Variants in CHD5 observed in about 807,000 individuals in gnomAD.
The protein encoded by CHD5 is chromodomain helicase DNA binding protein 5.
A neutral mutation model predicts 230.3 loss-of-function variants in CHD5; 69 were observed. The observed-to-expected ratio is 0.30, with a 90% CI of 0.25 to 0.37. The LOEUF (loss-of-function observed/expected upper bound fraction) is 0.37, where lower values mean the gene tolerates loss of function less well. CHD5 is among the 10% of genes least tolerant of loss of function. The probability of loss-of-function intolerance (pLI) is 1.00; values close to 1 mark genes in which losing one functional copy is unlikely to be tolerated. For missense variants in CHD5, 1,827 were observed against 2,622.8 expected (o/e 0.70, Z 6.63); for synonymous variants, 1,064 against 1,065.9 (o/e 1.00, Z 0.03).
intron 15 of CHD5, among the ~76,000 whole-genome samples, chr1:6,138,817 C>G (rs1164658579): frequency 6.6e-6 from 1 of 152,214 alleles, no homozygotes; most frequent in Non-Finnish European, 1.5e-5. Flanking sequence ...CACCCATAAT[C>G]CTTCCCATCA....
In CHD5 at chr1:6,131,658, G is replaced by A; in HGVS notation, c.3235C>T (p.Arg1079Trp). ...RIDGGITGGL[R>W]QEAIDRFNAP... is the part of the protein sequence containing the mutation. ...TTGAATCTGTCGATTGCCTCCTGCC[G>A]GAGGCCCCCGGTGATGCCACCATCA... The change falls in exon 21 of 42, where the codon CGG becomes TGG. Residue 1079 changes from arginine to tryptophan, a missense_variant. Physicochemically the swap from Arg to Trp is moderately radical, Grantham distance 101. Transcript: ENST00000262450. The surrounding 1 kb of genome is among the most constrained non-coding windows in gnomAD (Gnocchi z 5.0). 2 of 1,611,188 alleles carry A rather than the reference G, an allele frequency of 1.2e-6. No individual in the cohort carries two copies. Among genetic ancestry groups the A allele is most frequent in the Non-Finnish European group, 8.5e-7 (1 of 1,177,450 alleles).
Position 6,128,366 on chromosome 1 carries a change from T to A in CHD5, c.3730+133A>T. 9.1e-7 allele frequency: 1 copy of A among 1,102,816 alleles called. No individual in the cohort carries two copies. Among genetic ancestry groups the A allele is most frequent in the Non-Finnish European group, 1.3e-6 (1 of 755,770 alleles). 68.3% of individuals were successfully genotyped at this position (1,102,816 alleles called of 1,614,324 possible). A position where few individuals can be genotyped will look rare whatever the true frequency, so the allele number is the denominator to read the frequency against. On this transcript the variant is annotated intron_variant, in intron 24 of 41. Transcript: ENST00000262450. The surrounding 1 kb of genome is among the most constrained non-coding windows in gnomAD (Gnocchi z 7.8). ...GGTGACCAGACAGAGGAAACTGCGCTGTAACAGCCCCACTCGCCGCCCACC... is the reference window on the plus strand; with the variant it reads ...GGTGACCAGACAGAGGAAACTGCGCAGTAACAGCCCCACTCGCCGCCCACC...
chr1:6,135,444 C>T (rs755653224), intron 17 of CHD5, 41 bp from the exon 18 acceptor site: 51 of 1,562,946 alleles, frequency 3.3e-5, no homozygotes, highest in South Asian at 7.3e-5. Flanking sequence ...AGCAGAGGAC[C>T]GGGGCAGGGG....
intron 37 of CHD5, among the ~76,000 whole-genome samples, 174 bp downstream of exon 37, chr1:6,110,220 G>A (rs755691132): frequency 3.9e-5 from 6 of 151,952 alleles, no homozygotes; most frequent in Non-Finnish European, 8.8e-5. Flanking sequence ...AGTGGGGCCA[G>A]GGCCAGAGCA....
chr1:6,128,399 C>A lies in CHD5; in HGVS notation c.3730+100G>T. 1.7e-6 allele frequency: 2 copies of A among 1,167,596 alleles called. No homozygotes were observed. The highest frequency in any genetic ancestry group is 1.2e-6 in the Non-Finnish European group (1 of 801,516). The allele number at this position is 1,167,596 out of a possible 1,614,324, so 72.3% of individuals were successfully genotyped here. On this transcript the variant is annotated intron_variant, in intron 24 of 41. Coordinates refer to ENST00000262450, the MANE Select transcript of CHD5 (RefSeq NM_015557.3). The surrounding 1 kb of genome is among the most constrained non-coding windows in gnomAD (Gnocchi z 7.8). Reference sequence around the variant, plus strand: ...CCCCACTCGCCGCCCACCTGGCAGTCCCAGGACGCCCAAGTGAGGGCAGGT... The same window carrying A: ...CCCCACTCGCCGCCCACCTGGCAGTACCAGGACGCCCAAGTGAGGGCAGGT...
At position 6,124,104 on chromosome 1, in the gene CHD5, G is replaced by A; in HGVS notation, c.4543C>T (p.Gln1515Ter). Residue 1515 changes from glutamine to a stop codon, truncating the protein, a stop_gained, in exon 31 of 42, where the codon CAG (glutamine) becomes TAG (stop). Transcript: ENST00000262450. LOFTEE classifies it high-confidence loss of function. ...TTCCCGTTGACATGCTCAAACTCCTGAACCTGGGGTGGTGGGAGGGAAGGT... is the reference window on the plus strand; with the variant it reads ...TTCCCGTTGACATGCTCAAACTCCTAAACCTGGGGTGGTGGGAGGGAAGGT... ...GVMSLVRKKV[Q>*]EFEHVNGKYS... 1 of 1,611,884 alleles carries A rather than the reference G, an allele frequency of 6.2e-7. No homozygotes were observed. The highest frequency in any genetic ancestry group is 8.5e-7 in the Non-Finnish European group (1 of 1,179,278).
intron 3 of CHD5, among the ~76,000 whole-genome samples, chr1:6,157,813 T>C (rs1667102754): frequency 6.6e-6 from 1 of 152,148 alleles, no homozygotes. Context: ...TGATCCTGAA[T>C]CACTCTCTTA....
chr1:6,107,491 GAT>G (rs1394343531), intron 38 of CHD5, among the ~76,000 whole-genome samples: 6 of 140,756 alleles, frequency 4.3e-5, no homozygotes, highest in Non-Finnish European at 4.6e-5. Context: ...AGGGATGATG[GAT>G]AGATGGAGGG....
chr1:6,129,104 C>T lies in CHD5; in HGVS notation c.3388-35G>A, dbSNP rs1043600618. The T allele has an allele frequency of 4.0e-6, 6 of 1,488,944 alleles. No individual in the cohort carries two copies. The highest frequency in any genetic ancestry group is 5.5e-6 in the Non-Finnish European group (6 of 1,081,490). 92.2% of individuals were successfully genotyped at this position (1,488,944 alleles called of 1,614,324 possible). The stretch of plus-strand genomic sequence containing the variant: ...CCTGCACCTCAGCACCCGTGGCTCA[C>T]CCAGGGCTCCAGGCAATGGAGGAGA... On this transcript the variant is annotated intron_variant, in intron 22 of 41. Coordinates refer to ENST00000262450, the MANE Select transcript of CHD5 (RefSeq NM_015557.3). The surrounding 1 kb of genome is among the most constrained non-coding windows in gnomAD (Gnocchi z 6.8).
In CHD5 at chr1:6,130,027, C is replaced by A; in HGVS notation, c.3387+177G>T. The A allele has an allele frequency of 1.4e-6, 1 of 701,692 alleles. No homozygotes were observed. Among genetic ancestry groups the A allele is most frequent in the Non-Finnish European group, 2.4e-6 (1 of 414,128 alleles). The allele number at this position is 701,692 out of a possible 1,614,324, so 43.5% of individuals were successfully genotyped here. A position where few individuals can be genotyped will look rare whatever the true frequency, so the allele number is the denominator to read the frequency against. ...AAGGACAGAGCTGGAGGGATGGGGGCCAAGCTTCCACTCACTCCCAGAGCC... is the reference window on the plus strand; with the variant it reads ...AAGGACAGAGCTGGAGGGATGGGGGACAAGCTTCCACTCACTCCCAGAGCC... On this transcript the variant is annotated intron_variant, in intron 22 of 41. Coordinates refer to ENST00000262450, the MANE Select transcript of CHD5 (RefSeq NM_015557.3). This position sits in a 1 kb window ranked among gnomAD's most constrained non-coding sequence, Gnocchi z 4.9.
In CHD5 at chr1:6,154,469, A is replaced by T. The variant is rs1370434682; in HGVS notation, c.745+191T>A. On this transcript the variant is annotated intron_variant, in intron 5 of 41. Coordinates refer to ENST00000262450, the MANE Select transcript of CHD5 (RefSeq NM_015557.3). This position sits in a 1 kb window ranked among gnomAD's most constrained non-coding sequence, Gnocchi z 7.0. ...CCAACCCCAAAAGGGAGTCAGGCACAAAAGAGGCGACGATGCTGCCTCACT... is the reference window on the plus strand; with the variant it reads ...CCAACCCCAAAAGGGAGTCAGGCACTAAAGAGGCGACGATGCTGCCTCACT... Among the ~76,000 whole-genome samples the T allele has an allele frequency of 6.6e-6, 1 of 152,170 alleles. No homozygotes were observed. The highest frequency in any genetic ancestry group is 2.4e-5 in the African/African-American group (1 of 41,446).
intron 33 of CHD5, among the ~76,000 whole-genome samples, chr1:6,119,850 T>TTATATA (rs139280601): frequency 7.4e-6 from 1 of 134,556 alleles, no homozygotes; most frequent in Non-Finnish European, 1.6e-5. Flanking sequence ...TATGTGTGTA[T>TTATATA]TATATATATA....
chr1:6,112,055 T>C, intron 35 of CHD5, 85 bp downstream of exon 35: 4 of 1,493,468 alleles, frequency 2.7e-6, no homozygotes, highest in Non-Finnish European at 3.7e-6. Context: ...AGTCACACTC[T>C]AGTATAAAGT....
rs768313145 is a variant in CHD5, at chr1:6,155,652, C to T, written c.453G>A (p.Ser151=). The part of the protein sequence containing the change: ...WGLDDVDYLF[S]EEDYHTLTNY... The stretch of plus-strand genomic sequence containing the variant: ...TGGTCAGCGTGTGGTAATCCTCCTC[C>T]GAGAACAGGTAGTCCACGTCGTCCA... The change falls in exon 4 of 42, where the codon TCG becomes TCA. Residue 151 remains serine (S), a synonymous_variant. Coordinates refer to ENST00000262450, the MANE Select transcript of CHD5 (RefSeq NM_015557.3). This position sits in a 1 kb window ranked among gnomAD's most constrained non-coding sequence, Gnocchi z 4.0. The T allele has an allele frequency of 3.4e-5, 55 of 1,614,004 alleles. No individual in the cohort carries two copies. Among genetic ancestry groups the T allele is most frequent in the Non-Finnish European group, 4.0e-5 (47 of 1,180,020 alleles).
In CHD5 at chr1:6,154,908, G is replaced by C. The variant is rs376065466; in HGVS notation, c.507-10C>G. The C allele has an allele frequency of 3.1e-6, 5 of 1,611,040 alleles. No individual in the cohort carries two copies. Among genetic ancestry groups the C allele is most frequent in the Non-Finnish European group, 4.2e-6 (5 of 1,178,282 alleles). On this transcript the variant is annotated splice_polypyrimidine_tract_variant and intron_variant, in intron 4 of 41. Transcript: ENST00000262450. The surrounding 1 kb of genome is among the most constrained non-coding windows in gnomAD (Gnocchi z 7.0). ...CTTGGCAATGAGTGGCCTGTAGGGG[G>C]AGAGGCAGGAGGGTGAGGGCAAGGC...
intron 25 of CHD5, among the ~76,000 whole-genome samples, chr1:6,127,373 G>T (rs559959281): frequency 6.6e-6 from 1 of 152,134 alleles, no homozygotes; most frequent in African/African-American, 2.4e-5. Context: ...AGTAATCCCA[G>T]CTACTTGGGA....
chr1:6,128,038 G>A lies in CHD5; in HGVS notation c.3903+8C>T, dbSNP rs1429600326. 1 of 1,594,660 alleles carries A rather than the reference G, an allele frequency of 6.3e-7. No individual in the cohort carries two copies. Among genetic ancestry groups the A allele is most frequent in the Non-Finnish European group, 8.5e-7 (1 of 1,170,902 alleles). On this transcript the variant is annotated splice_region_variant and intron_variant, in intron 25 of 41. Transcript: ENST00000262450. This position sits in a 1 kb window ranked among gnomAD's most constrained non-coding sequence, Gnocchi z 7.8. ...GGCTGCGGATGGAGGGCGGGCCGGG[G>A]ACCTTACCACGCCGTCCTCCTCGCG...
chr1:6,112,916 G>C lies in CHD5; in HGVS notation c.4995C>G (p.Leu1665=), dbSNP rs199820087. 6.2e-7 allele frequency: 1 copy of C among 1,613,138 alleles called. No homozygotes were observed. The highest frequency in any genetic ancestry group is 2.2e-5 in the East Asian group (1 of 44,880). The change falls in exon 34 of 42, where the codon CTC becomes CTG. Residue 1665 remains leucine (L), a synonymous_variant. Coordinates refer to ENST00000262450, the MANE Select transcript of CHD5 (RefSeq NM_015557.3). ...CACAGAAGAGCCCCAGACCTGGCCT[G>C]AGTTCGGAACTGTCCCCTCTGCTGT... ...LIHSRGDSSE[L]RPDDTKAEEK...
At chr1:6,152,651 C>G in intron 5 of CHD5, 115 bp from the exon 6 acceptor site, 1 of 1,524,632 alleles carries the variant, frequency 6.6e-7, no homozygotes, top group Non-Finnish European at 8.8e-7. Context: ...TCTACCATCA[C>G]CCCGTTTCAG....
Sources: allele counts gnomAD v4.1 joint callset (sites outside exome capture counted in the v4.1 genomes callset), GRCh38; gene constraint gnomAD v4.1.1; non-coding constraint Gnocchi (gnomAD v3.1); transcripts MANE v1.5; gene names NCBI Gene and HGNC (gene_info 2026-07-23, HGNC 2026-07-21).